Variants in APBB1 observed in about 807,000 individuals in gnomAD.
APBB1 encodes the protein adaptor protein FE65a2.
In APBB1, 22 loss-of-function variants were observed where a neutral mutation model predicts 78.4. The ratio of observed to expected loss-of-function variants is 0.28; its 90% confidence interval spans 0.20 to 0.40. APBB1 has a LOEUF of 0.40. Among genes scored for constraint, APBB1 ranks in the 10% least tolerant of loss-of-function variants. APBB1 has a pLI of 1.00. For missense variants in APBB1, 749 were observed against 932.4 expected, an observed-to-expected ratio of 0.80 and a Z score of 2.56; for synonymous variants, 369 against 372.7, an observed-to-expected ratio of 0.99 and a Z score of 0.12.
At chr11:6,415,401 G>A (rs1012639873) in intron 1 of APBB1, among the ~76,000 whole-genome samples, 2 of 152,190 alleles carry the variant, frequency 1.3e-5, no homozygotes, top group East Asian at 3.8e-4. Flanking sequence ...CAAAAGAAAT[G>A]GTTCTTCCTC....
At chr11:6,402,955 G>T (rs1204160106) in intron 6 of APBB1, among the ~76,000 whole-genome samples, 190 bp downstream of exon 6, 1 of 151,878 alleles carries the variant, frequency 6.6e-6, no homozygotes, top group Non-Finnish European at 1.5e-5. Context: ...CCCCCAACCT[G>T]GCTGTTGGGC....
chr11:6,419,220 T>G (rs1171512124), upstream of APBB1: 1 of 300,664 alleles, frequency 3.3e-6, no homozygotes, highest in African/African-American at 2.2e-5. Flanking sequence ...GGCCTCACCC[T>G]GCGGGCGGCC....
intron 1 of APBB1, among the ~76,000 whole-genome samples, chr11:6,418,263 C>T (rs556698393): frequency 1.9e-4 from 29 of 152,288 alleles, no homozygotes; most frequent in African/African-American, 5.5e-4. Flanking sequence ...ATAACAGTGT[C>T]CACTGGAGTT....
Position 6,403,761 on chromosome 11 carries a change from C to A in APBB1, c.783G>T (p.Arg261Ser), listed in dbSNP as rs1848661795. Residue 261 changes from arginine to serine, a missense_variant, in exon 3 of 15, where the codon AGG (arginine) becomes AGT (serine). Coordinates refer to ENST00000609360, the MANE Select transcript of APBB1 (RefSeq NM_001164.5). The surrounding 1 kb of genome is among the most constrained non-coding windows in gnomAD (Gnocchi z 5.3). The part of the protein sequence containing the change: ...TDSDLPAGWM[R>S]VQDTSGTYYW... Reference sequence around the variant, plus strand: ...AATAGGTCCCTGAGGTGTCCTGGACCCTCATCCATCCAGCCGGCAGGTCGG... The same window carrying A: ...AATAGGTCCCTGAGGTGTCCTGGACACTCATCCATCCAGCCGGCAGGTCGG... The A allele has an allele frequency of 6.3e-7, 1 of 1,595,258 alleles. No individual in the cohort carries two copies. The highest frequency in any genetic ancestry group is 8.6e-7 in the Non-Finnish European group (1 of 1,168,124).
intron 12 of APBB1, among the ~76,000 whole-genome samples, chr11:6,397,662 G>A (rs1848300882): frequency 6.6e-6 from 1 of 152,224 alleles, no homozygotes; most frequent in African/African-American, 2.4e-5. Context: ...CTGCAGGGCA[G>A]GGAGAGGACA....
chr11:6,402,490 C>T (rs1848575483), intron 7 of APBB1, 86 bp downstream of exon 7: 1 of 1,437,176 alleles, frequency 7.0e-7, no homozygotes. Flanking sequence ...CCCCAGCCTG[C>T]TTGTGGGCAG....
chr11:6,409,635 G>A (rs1290359430), intron 2 of APBB1, among the ~76,000 whole-genome samples: 1 of 151,658 alleles, frequency 6.6e-6, no homozygotes, highest in Non-Finnish European at 1.5e-5. Flanking sequence ...CACAGTTTGG[G>A]GTATGGGTAT....
At chr11:6,415,426 G>A (rs777279954) in intron 1 of APBB1, among the ~76,000 whole-genome samples, 14 of 152,218 alleles carry the variant, frequency 9.2e-5, no homozygotes, top group Non-Finnish European at 1.8e-4. Flanking sequence ...GGAGTTCTCA[G>A]TTCAGCGGGA....
intron 12 of APBB1, 79 bp from the exon 13 acceptor site, chr11:6,396,294 C>G: frequency 7.9e-7 from 1 of 1,265,316 alleles, no homozygotes; most frequent in Non-Finnish European, 1.1e-6. Context: ...TAGTTCCACC[C>G]AATCAAACCC....
rs1276076148 is a variant in APBB1 at position 6,401,191 on chromosome 11, C to T, written c.1589-119G>A. The stretch of plus-strand genomic sequence containing the variant: ...GGCCCTACTTTCATCTCGTCCCCTG[C>T]CTCCCTTTAACCGGAGTCCCTCCAC... On this transcript the variant is annotated intron_variant, in intron 11 of 14. Transcript: ENST00000609360. This position sits in a 1 kb window ranked among gnomAD's most constrained non-coding sequence, Gnocchi z 4.5. The T allele has an allele frequency of 1.2e-6, 2 of 1,611,626 alleles. No homozygotes were observed. Among genetic ancestry groups the T allele is most frequent in the African/African-American group, 1.3e-5 (1 of 74,838 alleles).
At chr11:6,402,859 G>T in intron 6 of APBB1, 134 bp from the exon 7 acceptor site, 1 of 1,159,952 alleles carries the variant, frequency 8.6e-7, no homozygotes. Flanking sequence ...ATGTGGTTAG[G>T]GAGAGGGGGA....
intron 12 of APBB1, among the ~76,000 whole-genome samples, chr11:6,399,753 AT>A (rs998976466): frequency 3.3e-5 from 5 of 152,180 alleles, no homozygotes; most frequent in African/African-American, 9.7e-5. Context: ...TGAAGAAAAA[AT>A]CATTAACATA....
At chr11:6,415,252 A>T (rs1186500120) in intron 1 of APBB1, among the ~76,000 whole-genome samples, 1 of 152,224 alleles carries the variant, frequency 6.6e-6, no homozygotes, top group Non-Finnish European at 1.5e-5. Flanking sequence ...GAAGTGAAAG[A>T]AGTAGTCACT....
chr11:6,400,944 TTAGGATC>T, intron 12 of APBB1, 38 bp downstream of exon 12: 1 of 1,570,610 alleles, frequency 6.4e-7, no homozygotes, highest in Non-Finnish European at 8.8e-7. Flanking sequence ...GGGCAGAGTT[TTAGGATC>T]AAGGTAGCAG....
chr11:6,399,492 G>A (rs1427063971), intron 12 of APBB1, among the ~76,000 whole-genome samples: 1 of 152,146 alleles, frequency 6.6e-6, no homozygotes, highest in African/African-American at 2.4e-5. Flanking sequence ...ACCAATCACT[G>A]AGGCCTGTTG....
chr11:6,400,560 A>AC (rs1848450585), intron 12 of APBB1, among the ~76,000 whole-genome samples: 1 of 150,616 alleles, frequency 6.6e-6, no homozygotes, highest in Non-Finnish European at 1.5e-5. Flanking sequence ...AAAAAAAAAA[A>AC]TTCTTTGCAA....
In APBB1 at chr11:6,395,682, A is replaced by C; in HGVS notation, c.1985T>G (p.Leu662Arg). ...AACMLRYQKC[L>R]DARSQASTSC... ...GGTGGAGGCCTGGGAACGGGCATCC[A>C]GACACTTCTGGTAGCGAAGCTGCGG... The change falls in exon 15 of 15, where the codon CTG becomes CGG. Residue 662 changes from leucine to arginine, a missense_variant. Leu to Arg is a moderately radical substitution (Grantham distance 102). Coordinates refer to ENST00000609360, the MANE Select transcript of APBB1 (RefSeq NM_001164.5). The surrounding 1 kb of genome is among the most constrained non-coding windows in gnomAD (Gnocchi z 5.2). 6.3e-7 allele frequency: 1 copy of C among 1,589,876 alleles called. No individual in the cohort carries two copies. Among genetic ancestry groups the C allele is most frequent in the Non-Finnish European group, 8.6e-7 (1 of 1,167,470 alleles).
At position 6,395,486 on chromosome 11, in the gene APBB1, G is replaced by A. The variant is rs1378234438; in HGVS notation, c.*48C>T. 8.0e-6 allele frequency: 12 copies of A among 1,493,506 alleles called. No homozygotes were observed. The highest frequency in any genetic ancestry group is 1.1e-5 in the Non-Finnish European group (12 of 1,121,986). The allele number at this position is 1,493,506 out of a possible 1,614,324, so 92.5% of individuals were successfully genotyped here. A position where few individuals can be genotyped will look rare whatever the true frequency, so the allele number is the denominator to read the frequency against. On this transcript the variant is annotated 3_prime_UTR_variant, in exon 15 of 15. Coordinates refer to ENST00000609360, the MANE Select transcript of APBB1 (RefSeq NM_001164.5). The surrounding 1 kb of genome is among the most constrained non-coding windows in gnomAD (Gnocchi z 5.2). Reference sequence around the variant, plus strand: ...ACCCCTCCCTGACCCACACCCTTTAGTTCCCTGGGGCCCAACACAAGCAGG... The same window carrying A: ...ACCCCTCCCTGACCCACACCCTTTAATTCCCTGGGGCCCAACACAAGCAGG...
At chr11:6,415,977 G>T (rs1437652269) in intron 1 of APBB1, among the ~76,000 whole-genome samples, 2 of 152,076 alleles carry the variant, frequency 1.3e-5, no homozygotes, top group African/African-American at 4.8e-5. Context: ...TCCACTCACT[G>T]TTGCCACTTC....
Sources: allele counts gnomAD v4.1 joint callset (sites outside exome capture counted in the v4.1 genomes callset), GRCh38; gene constraint gnomAD v4.1.1; non-coding constraint Gnocchi (gnomAD v3.1); transcripts MANE v1.5; gene names NCBI Gene and HGNC (gene_info 2026-07-23, HGNC 2026-07-21).